The following PTPRD variants were observed in gnomAD, a reference collection of about 807,000 sequenced individuals.
The protein encoded by PTPRD is receptor-type tyrosine-protein phosphatase delta.
In PTPRD, 34 loss-of-function variants were observed where a neutral mutation model predicts 214.5. That is an observed-to-expected ratio of 0.16 (90% CI 0.12 to 0.21). The LOEUF is 0.21. PTPRD is among the 10% of genes least tolerant of loss of function. PTPRD has a pLI of 1.00. For synonymous variants in PTPRD, 1,128 were observed against 845.7 expected (o/e 1.33, Z -5.79); for missense variants, 2,545 against 2,398.7 (o/e 1.06, Z -1.27).
chr9:10,475,144 T>G (rs895314924), intron 2 of PTPRD, among the ~76,000 whole-genome samples: 3 of 151,860 alleles, frequency 2.0e-5, no homozygotes, highest in Admixed American at 2.0e-4. Context: ...TAGAGCAGAA[T>G]TGAAGGAGAC....
chr9:8,544,051 C>T (rs868380560), intron 14 of PTPRD, among the ~76,000 whole-genome samples: 19 of 152,060 alleles, frequency 1.2e-4, no homozygotes, highest in Middle Eastern at 3.4e-3. Flanking sequence ...GATATCATAG[C>T]CCACCATAGT....
intron 2 of PTPRD, among the ~76,000 whole-genome samples, chr9:10,359,554 A>G (rs977192808): frequency 2.0e-5 from 3 of 152,128 alleles, no homozygotes; most frequent in African/African-American, 4.8e-5. Context: ...TTTTGGCACA[A>G]ATTATTAATC....
intron 3 of PTPRD, among the ~76,000 whole-genome samples, chr9:10,047,619 A>C (rs927918505): frequency 1.3e-5 from 2 of 151,998 alleles, no homozygotes; most frequent in Non-Finnish European, 2.9e-5. Flanking sequence ...ACCCCTGCCA[A>C]AATTTGTGTT....
At chr9:9,748,911 C>T (rs962914803) in intron 6 of PTPRD, among the ~76,000 whole-genome samples, 5 of 152,054 alleles carry the variant, frequency 3.3e-5, no homozygotes, top group African/African-American at 9.7e-5. Flanking sequence ...TTATTGTGTA[C>T]TACTGTAATC....
intron 5 of PTPRD, among the ~76,000 whole-genome samples, chr9:9,832,522 C>T (rs1336417305): frequency 6.6e-6 from 1 of 151,850 alleles, no homozygotes; most frequent in Non-Finnish European, 1.5e-5. Flanking sequence ...TTTATGTGTC[C>T]TCCCTCATCC....
At chr9:8,819,425 G>A (rs2096995497) in intron 11 of PTPRD, among the ~76,000 whole-genome samples, 1 of 152,128 alleles carries the variant, frequency 6.6e-6, no homozygotes, top group Admixed American at 6.5e-5. Flanking sequence ...CACTTTGGGA[G>A]GCTGAAGCAG....
At chr9:9,330,468 A>C (rs952212884) in intron 9 of PTPRD, among the ~76,000 whole-genome samples, 1 of 152,136 alleles carries the variant, frequency 6.6e-6, no homozygotes, top group Admixed American at 6.6e-5. Context: ...ATGACTTCCC[A>C]TCGAGCAATT....
Position 9,347,686 on chromosome 9 carries a change from G to A in PTPRD, c.-203+49763C>T, listed in dbSNP as rs189389062. On this transcript the variant is annotated intron_variant, in intron 9 of 45. Coordinates refer to ENST00000381196, the MANE Select transcript of PTPRD (RefSeq NM_002839.4). ...AGCAGCAGATAATGGGGAAAAGGGT[G>A]AGATTTTGATTCATGGTACATCTAC... is the stretch of plus-strand genomic sequence containing the variant. Among the ~76,000 whole-genome samples, 368 of 152,246 alleles carry A rather than the reference G, an allele frequency of 2.4e-3. 1 individual carries two copies. Among genetic ancestry groups the A allele is most frequent in the African/African-American group, 8.5e-3 (355 of 41,548 alleles).
chr9:10,541,120 G>A (rs557168447), intron 2 of PTPRD, among the ~76,000 whole-genome samples: 1 of 152,236 alleles, frequency 6.6e-6, no homozygotes, highest in South Asian at 2.1e-4. Context: ...CTGCTTTATG[G>A]CATAAAACAG....
At chr9:9,642,189 C>T (rs1593936472) in intron 7 of PTPRD, among the ~76,000 whole-genome samples, 2 of 141,784 alleles carry the variant, frequency 1.4e-5, no homozygotes, top group Non-Finnish European at 1.5e-5. Flanking sequence ...ACCGTATATT[C>T]TCACTCATAG....
chr9:10,553,892 G>C (rs1170474199), intron 2 of PTPRD, among the ~76,000 whole-genome samples: 1 of 152,170 alleles, frequency 6.6e-6, no homozygotes, highest in Non-Finnish European at 1.5e-5. Flanking sequence ...AAATTACTGA[G>C]TTAAAGTATG....
intron 2 of PTPRD, among the ~76,000 whole-genome samples, chr9:10,343,223 C>T (rs933827216): frequency 1.3e-5 from 2 of 151,770 alleles, no homozygotes; most frequent in Admixed American, 6.6e-5. Flanking sequence ...TGAGAACGTG[C>T]GATGTTTGGT....
At chr9:10,469,368 A>C (rs1050655355) in intron 2 of PTPRD, among the ~76,000 whole-genome samples, 1 of 152,208 alleles carries the variant, frequency 6.6e-6, no homozygotes, top group Non-Finnish European at 1.5e-5. Flanking sequence ...ATTGAAAAAC[A>C]TTATAAAACA....
At chr9:10,252,028 T>G (rs975052039) in intron 3 of PTPRD, among the ~76,000 whole-genome samples, 3 of 152,168 alleles carry the variant, frequency 2.0e-5, no homozygotes, top group African/African-American at 4.8e-5. Context: ...TTGATGGGTA[T>G]GTTAATTAGC....
At chr9:8,895,579 T>G (rs1470288731) in intron 11 of PTPRD, among the ~76,000 whole-genome samples, 2 of 152,194 alleles carry the variant, frequency 1.3e-5, no homozygotes, top group African/African-American at 4.8e-5. Flanking sequence ...TAAAATGTCC[T>G]TTGTAGCATG....
intron 34 of PTPRD, among the ~76,000 whole-genome samples, chr9:8,443,372 C>A (rs2095613556): frequency 6.6e-6 from 1 of 152,072 alleles, no homozygotes; most frequent in Non-Finnish European, 1.5e-5. Context: ...AGCATTGATC[C>A]AATTAATAGT....
intron 14 of PTPRD, among the ~76,000 whole-genome samples, chr9:8,580,196 T>G (rs1003355590): frequency 2.6e-5 from 4 of 152,170 alleles, no homozygotes; most frequent in African/African-American, 9.7e-5. Flanking sequence ...AAAAGACTAG[T>G]TTGCCTTTGG....
chr9:9,552,343 T>C (rs1017714584), intron 8 of PTPRD, among the ~76,000 whole-genome samples: 1 of 152,036 alleles, frequency 6.6e-6, no homozygotes, highest in Admixed American at 6.6e-5. Context: ...TCGCAGTCAA[T>C]TGCCATTTTC....
In PTPRD at chr9:10,031,842, G is replaced by T. The variant is rs555431690; in HGVS notation, c.-472+1876C>A. Reference sequence around the variant, plus strand: ...TTTCAGAAAGGTATGCATATTTTTTGAAGACAAGAGATGGTGAATTGGCCC... The same window carrying T: ...TTTCAGAAAGGTATGCATATTTTTTTAAGACAAGAGATGGTGAATTGGCCC... On this transcript the variant is annotated intron_variant, in intron 4 of 45. Transcript: ENST00000381196. Among the ~76,000 whole-genome samples the T allele has an allele frequency of 4.6e-5, 7 of 151,578 alleles. No homozygotes were observed. In the South Asian group the frequency reaches 1.5e-3, roughly 32 times the overall value.
Sources: gnomAD v4.1 joint callset for allele counts (sites outside exome capture counted in the v4.1 genomes callset) on GRCh38, gnomAD v4.1.1 for gene constraint, MANE v1.5 for transcripts, NCBI Gene and HGNC (gene_info 2026-07-23, HGNC 2026-07-21) for gene names.